Variants in PTPRE observed in about 807,000 individuals in gnomAD.
PTPRE encodes the protein protein tyrosine phosphatase receptor type E, also known as receptor-type tyrosine-protein phosphatase epsilon.
A neutral mutation model predicts 102.0 loss-of-function variants in PTPRE; 51 were observed. That is an observed-to-expected ratio of 0.50 (90% confidence interval 0.40 to 0.63). PTPRE has a LOEUF of 0.63. Ranked by LOEUF, PTPRE falls within the 30% of genes least tolerant of loss-of-function variation. The probability of loss-of-function intolerance (pLI) is 0.00; values close to 1 mark genes in which losing one functional copy is unlikely to be tolerated. For missense variants in PTPRE, 752 were observed against 915.1 expected (o/e 0.82, Z 2.30); for synonymous variants, 345 against 348.2 (o/e 0.99, Z 0.10).
chr10:128,032,141 G>A (rs980526474), intron 2 of PTPRE, among the ~76,000 whole-genome samples: 2 of 152,042 alleles, frequency 1.3e-5, no homozygotes, highest in Non-Finnish European at 2.9e-5. Context: ...TCAGCCTCCT[G>A]AGTAGCTGGG....
intron 2 of PTPRE, among the ~76,000 whole-genome samples, chr10:128,016,941 G>C (rs978704028): frequency 6.6e-6 from 1 of 152,226 alleles, no homozygotes; most frequent in Non-Finnish European, 1.5e-5. Context: ...GGTCCTGTGA[G>C]GTCCCTCCCA....
intron 9 of PTPRE, among the ~76,000 whole-genome samples, chr10:128,062,507 G>C (rs750507095): frequency 2.6e-5 from 4 of 152,186 alleles, no homozygotes; most frequent in Non-Finnish European, 5.9e-5. Flanking sequence ...AGCAGGGCCA[G>C]GGGCTTCCTT....
At chr10:127,994,553 T>C (rs1853056923) in intron 2 of PTPRE, among the ~76,000 whole-genome samples, 1 of 152,210 alleles carries the variant, frequency 6.6e-6, no homozygotes, top group South Asian at 2.1e-4. Flanking sequence ...CATGAATGAA[T>C]AGTCTTTACG....
intron 2 of PTPRE, chr10:127,999,712 T>C: frequency 4.1e-6 from 4 of 984,368 alleles, no homozygotes; most frequent in Non-Finnish European, 4.8e-6. Context: ...CAACTCGAGA[T>C]GAGCGGTCTC....
intron 1 of PTPRE, among the ~76,000 whole-genome samples, chr10:127,968,706 C>T (rs182015817): frequency 6.6e-5 from 10 of 152,350 alleles, no homozygotes; most frequent in Non-Finnish European, 1.2e-4. Flanking sequence ...CTTCTTTGAA[C>T]TCTGGGCTTC....
rs760163795 is a variant in PTPRE, at chr10:128,040,914, T to C, written c.33T>C (p.Gly11=). The C allele has an allele frequency of 6.2e-7, 1 of 1,613,776 alleles. No homozygotes were observed. The highest frequency in any genetic ancestry group is 1.1e-5 in the South Asian group (1 of 91,038). MEPLCPLLLV[G]FSLPLARALR... The stretch of plus-strand genomic sequence containing the variant: ...CCTTGTGTCCACTCCTGCTGGTGGG[T>C]TTTAGCTTGCCGCTCGCCAGGGCTC... The change falls in exon 3 of 21, where the codon GGT becomes GGC. Residue 11 remains glycine, a synonymous_variant. Transcript: ENST00000254667.
At chr10:128,073,227 G>A in intron 16 of PTPRE, 110 bp from the exon 17 acceptor site, 2 of 1,454,080 alleles carry the variant, frequency 1.4e-6, no homozygotes, top group South Asian at 1.3e-5. Flanking sequence ...GACCATGGAG[G>A]ATGAGAGAGT....
chr10:127,929,526 A>C (rs1847264381), intron 1 of PTPRE: 1 of 152,074 alleles, frequency 6.6e-6, no homozygotes, highest in South Asian at 2.1e-4. Flanking sequence ...TACCGCCCTC[A>C]AGAATCTGCT....
intron 1 of PTPRE, among the ~76,000 whole-genome samples, chr10:127,924,930 A>C (rs924507674): frequency 6.6e-6 from 1 of 152,248 alleles, no homozygotes; most frequent in African/African-American, 2.4e-5. Flanking sequence ...AGGCATGTGG[A>C]GCTCCCTGGG....
At chr10:128,058,892 A>G (rs1297071545) in intron 7 of PTPRE, among the ~76,000 whole-genome samples, 1 of 152,198 alleles carries the variant, frequency 6.6e-6, no homozygotes, top group Non-Finnish European at 1.5e-5. Flanking sequence ...CTGGGCAGGC[A>G]TGTGGCCCTG....
intron 17 of PTPRE, among the ~76,000 whole-genome samples, chr10:128,074,114 C>A (rs562672256): frequency 6.6e-6 from 1 of 152,320 alleles, no homozygotes; most frequent in South Asian, 2.1e-4. Flanking sequence ...CCCTGGCAAC[C>A]ACTAATCTGC....
At chr10:128,079,821 G>A (rs1269527324) in intron 20 of PTPRE, 126 bp downstream of exon 20, 5 of 1,259,734 alleles carry the variant, frequency 4.0e-6, no homozygotes, top group Non-Finnish European at 5.5e-6. Context: ...CCAAGGAAAA[G>A]AGCCAGCTGC....
chr10:128,010,808 G>T (rs1456905189), intron 2 of PTPRE, among the ~76,000 whole-genome samples: 1 of 152,034 alleles, frequency 6.6e-6, no homozygotes, highest in Non-Finnish European at 1.5e-5. Flanking sequence ...AGCCAGGATG[G>T]TCTTGATCTC....
intron 2 of PTPRE, among the ~76,000 whole-genome samples, chr10:128,009,463 T>G (rs1844792243): frequency 6.6e-6 from 1 of 152,230 alleles, no homozygotes; most frequent in East Asian, 1.9e-4. Context: ...TGGTCTCTGC[T>G]TCAGGGCACG....
chr10:128,042,913 A>G (rs917284383), intron 3 of PTPRE, among the ~76,000 whole-genome samples: 2 of 152,262 alleles, frequency 1.3e-5, no homozygotes, highest in African/African-American at 4.8e-5. Flanking sequence ...ATATCTAATT[A>G]TGTTTCACTA....
chr10:128,050,336 G>GATGC (rs1247680522), intron 6 of PTPRE, among the ~76,000 whole-genome samples: 5 of 91,380 alleles, frequency 5.5e-5, no homozygotes, highest in Non-Finnish European at 1.0e-4. Flanking sequence ...AGGGCGGATG[G>GATGC]ATGGATGGAT....
intron 2 of PTPRE, among the ~76,000 whole-genome samples, chr10:127,992,471 G>C (rs915655075): frequency 6.6e-6 from 1 of 152,122 alleles, no homozygotes; most frequent in Non-Finnish European, 1.5e-5. Context: ...TCTTTCTTTG[G>C]GAATGATTTG....
At chr10:128,043,893 C>T (rs1847899628) in intron 3 of PTPRE, among the ~76,000 whole-genome samples, 1 of 152,196 alleles carries the variant, frequency 6.6e-6, no homozygotes, top group Non-Finnish European at 1.5e-5. Context: ...TGGTGCATTT[C>T]ATCTGTTTCT....
In PTPRE at chr10:128,069,664, G is replaced by A. The variant is rs185141667; in HGVS notation, c.1008-28G>A. The A allele has an allele frequency of 1.1e-5, 18 of 1,612,798 alleles. No homozygotes were observed. The Admixed American group carries it at 2.2e-4, about 19-fold the overall frequency. Reference sequence around the variant, plus strand: ...TTACTTCGGGAGGAGTGTGACTCACGACGCAGCATCTTTCTCTTTCCCCAA... The same window carrying A: ...TTACTTCGGGAGGAGTGTGACTCACAACGCAGCATCTTTCTCTTTCCCCAA... On this transcript the variant is annotated intron_variant, in intron 12 of 20. Coordinates refer to ENST00000254667, the MANE Select transcript of PTPRE (RefSeq NM_006504.6).
Sources: gnomAD v4.1 joint callset for allele counts (sites outside exome capture counted in the v4.1 genomes callset) on GRCh38, gnomAD v4.1.1 for gene constraint, MANE v1.5 for transcripts, NCBI Gene and HGNC (gene_info 2026-07-23, HGNC 2026-07-21) for gene names.